CPLANE1: variants seen among roughly 807,000 people sequenced by gnomAD.
CPLANE1 encodes ciliogenesis and planar polarity effector complex subunit 1.
In CPLANE1, 263 loss-of-function variants were observed where a neutral mutation model predicts 362.5. The ratio of observed to expected loss-of-function variants is 0.73; its 90% CI spans 0.66 to 0.80. The LOEUF is 0.80. Ranked by LOEUF, CPLANE1 falls within the 30% of genes least tolerant of loss-of-function variation. The probability of loss-of-function intolerance (pLI) is 0.00; values close to 1 mark genes in which losing one functional copy is unlikely to be tolerated. For missense variants in CPLANE1, 3,461 were observed against 3,793.4 expected (o/e 0.91, Z 2.30); for synonymous variants, 1,212 against 1,302.6 (o/e 0.93, Z 1.50).
chr5:37,234,106 C>CA (rs533600316), intron 8 of CPLANE1, among the ~76,000 whole-genome samples: 90 of 151,966 alleles, frequency 5.9e-4, no homozygotes, highest in African/African-American at 1.6e-3. Flanking sequence ...AAAGCATTTT[C>CA]AAAAAATTAA....
chr5:37,128,169 G>C (rs1030840050), intron 46 of CPLANE1, among the ~76,000 whole-genome samples: 2 of 152,150 alleles, frequency 1.3e-5, no homozygotes, highest in Non-Finnish European at 2.9e-5. Context: ...TATGAGACTG[G>C]CTAATTTTTG....
At chr5:37,136,946 G>GA (rs1298926325) in intron 46 of CPLANE1, among the ~76,000 whole-genome samples, 5 of 152,160 alleles carry the variant, frequency 3.3e-5, no homozygotes, top group African/African-American at 1.2e-4. Context: ...TGATGGGAGG[G>GA]ACTGCCATGA....
Position 37,170,023 on chromosome 5 carries a change from T to C in CPLANE1, c.6462+18A>G. 1 of 1,606,818 alleles carries C rather than the reference T, an allele frequency of 6.2e-7. No homozygotes were observed. The highest frequency in any genetic ancestry group is 8.5e-7 in the Non-Finnish European group (1 of 1,175,090). ...AGCCACCGCGCCCAGCCATTAATGG[T>C]ATTTTTACATACATTACCTGTACGT... is the stretch of plus-strand genomic sequence containing the variant. On this transcript the variant is annotated intron_variant, in intron 33 of 52. Transcript: ENST00000651892.
chr5:37,216,428 A>C lies in CPLANE1; in HGVS notation c.2747-2696T>G, dbSNP rs562205144. ...GCCAGGTGTGGTGGCATGTGCCTAT[A>C]GTCCCAGCTACTCAGGAGGCTGAGG... is the stretch of plus-strand genomic sequence containing the variant. On this transcript the variant is annotated intron_variant, in intron 15 of 52. Coordinates refer to ENST00000651892, the MANE Select transcript of CPLANE1 (RefSeq NM_001384732.1). Among the ~76,000 whole-genome samples, 38 of 152,332 alleles carry C rather than the reference A, an allele frequency of 2.5e-4. 1 individual carries two copies. The South Asian group carries it at 7.9e-3, about 32-fold the overall frequency.
At chr5:37,076,332 T>C in the CPLANE1 span, among the ~76,000 whole-genome samples, 1 of 152,198 alleles carries the variant, frequency 6.6e-6, no homozygotes, top group East Asian at 1.9e-4. Flanking sequence ...TTTCTTTTGT[T>C]TTTGTTTTTT....
intron 51 of CPLANE1, among the ~76,000 whole-genome samples, chr5:37,112,617 A>G (rs1159192414): frequency 6.6e-6 from 1 of 152,228 alleles, no homozygotes; most frequent in Non-Finnish European, 1.5e-5. Flanking sequence ...TTTCTTTATA[A>G]CATAACACCA....
chr5:37,189,809 G>A (rs1173713721), intron 21 of CPLANE1, among the ~76,000 whole-genome samples: 1 of 152,082 alleles, frequency 6.6e-6, no homozygotes, highest in Non-Finnish European at 1.5e-5. Flanking sequence ...GACCAGCCTG[G>A]TCAACCTGGT....
intron 20 of CPLANE1, among the ~76,000 whole-genome samples, 196 bp from the exon 21 acceptor site, chr5:37,196,192 G>A (rs1787378042): frequency 6.7e-6 from 1 of 149,908 alleles, no homozygotes; most frequent in Non-Finnish European, 1.5e-5. Context: ...AAAAAAAAAG[G>A]TTCTAAGTAA....
At chr5:37,094,708 G>T in the CPLANE1 span, among the ~76,000 whole-genome samples, 6 of 152,092 alleles carry the variant, frequency 3.9e-5, no homozygotes, top group African/African-American at 1.2e-4. Flanking sequence ...AAGAAAAGAA[G>T]AGAGAAAATC....
intron 12 of CPLANE1, among the ~76,000 whole-genome samples, 183 bp from the exon 13 acceptor site, chr5:37,224,923 T>C (rs555027023): frequency 4.6e-5 from 7 of 150,612 alleles, no homozygotes; most frequent in Non-Finnish European, 1.0e-4. Context: ...AAAATCTTCA[T>C]AAATATTTTA....
chr5:37,084,991 C>A, the CPLANE1 span: 1 of 570,294 alleles, frequency 1.8e-6, no homozygotes, highest in Non-Finnish European at 3.2e-6. Flanking sequence ...AACTTTAAAG[C>A]AACAGCAGTT....
chr5:37,170,142 G>A lies in CPLANE1; in HGVS notation c.6361C>T (p.Pro2121Ser). 6.2e-7 allele frequency: 1 copy of A among 1,614,102 alleles called. No individual in the cohort carries two copies. The highest frequency in any genetic ancestry group is 1.1e-5 in the South Asian group (1 of 91,074). Residue 2121 changes from proline (P) to serine (S), a missense_variant, in exon 33 of 53, where the codon CCA becomes TCA. Physicochemically the swap from Pro to Ser is moderately conservative, Grantham distance 74. Transcript: ENST00000651892. ...CTGGCGTTCTCTCCCATTGACTGTG[G>A]TTTAATAAAAAATCTCTCCTTAAGA... ...KNLKERFFIK[P>S]QSMGENAREP...
Position 37,183,548 on chromosome 5 carries a change from G to A in CPLANE1, c.4633C>T (p.Arg1545Cys), listed in dbSNP as rs775743007. The A allele has an allele frequency of 1.9e-5, 31 of 1,613,054 alleles. No individual in the cohort carries two copies. Among genetic ancestry groups the A allele is most frequent in the Middle Eastern group, 1.6e-4 (1 of 6,078 alleles). The change falls in exon 26 of 53, where the codon CGT becomes TGT. Residue 1545 changes from arginine (R) to cysteine (C), a missense_variant. Around this residue, in one of 2 missense-constraint regions of CPLANE1, gnomAD observed 3,380 missense variants for 3,666.1 expected, o/e 0.92. Transcript: ENST00000651892. Reference sequence around the variant, plus strand: ...AATTTAATATATTCATCATCATCACGTTCAAATTCCCAAACACCTATTACA... The same window carrying A: ...AATTTAATATATTCATCATCATCACATTCAAATTCCCAAACACCTATTACA... ...LPVIGVWEFE[R>C]DDDEYIKFLD... is the part of the protein sequence containing the mutation.
Position 37,120,228 on chromosome 5 carries a change from G to C in CPLANE1, c.9298C>G (p.Pro3100Ala), listed in dbSNP as rs773845456. The stretch of plus-strand genomic sequence containing the variant: ...CTTTAAGTCTTACCATGTGGCCAAG[G>C]TGAGCCTTGAGGTTGCCCAAAAGAC... ...RKSFGQPQGS[P>A]WPHGTATFTI... Residue 3100 changes from proline (P) to alanine (A), a missense_variant, in exon 50 of 53, where the codon CCT (proline) becomes GCT (alanine). Pro to Ala is a conservative substitution (Grantham distance 27). This residue lies in a region of CPLANE1 where 3,380 missense variants were observed against 3,666.1 expected (regional missense o/e 0.92). Coordinates refer to ENST00000651892, the MANE Select transcript of CPLANE1 (RefSeq NM_001384732.1). 1.9e-6 allele frequency: 3 copies of C among 1,602,174 alleles called. No homozygotes were observed. The South Asian group carries it at 3.4e-5, about 18-fold the overall frequency.
At chr5:37,186,985 C>T (rs367829127) in intron 23 of CPLANE1, among the ~76,000 whole-genome samples, 15 of 139,182 alleles carry the variant, frequency 1.1e-4, no homozygotes, top group African/African-American at 3.5e-4. Flanking sequence ...GGCGTGAACC[C>T]GGGAGGCGGA....
In CPLANE1 at chr5:37,183,175, T is replaced by C. The variant is rs1783131452; in HGVS notation, c.5006A>G (p.Asn1669Ser). 2 of 1,612,106 alleles carry C rather than the reference T, an allele frequency of 1.2e-6. No homozygotes were observed. The highest frequency in any genetic ancestry group is 1.7e-6 in the Non-Finnish European group (2 of 1,179,216). ...TAATCCACTCATTCCTTCATTCTTA[T>C]TGACTTCATTCGAAGGATATTGTAA... ...PFLQYPSNEVNKNEGMSGLFG... is the reference protein window; with the variant it reads ...PFLQYPSNEVSKNEGMSGLFG... Residue 1669 changes from asparagine to serine, a missense_variant, in exon 26 of 53, where the codon AAT becomes AGT. Asn to Ser is a conservative substitution (Grantham distance 46). Coordinates refer to ENST00000651892, the MANE Select transcript of CPLANE1 (RefSeq NM_001384732.1).
intron 44 of CPLANE1, chr5:37,141,434 C>T (rs1025660654): frequency 4.1e-6 from 4 of 983,440 alleles, no homozygotes; most frequent in South Asian, 4.7e-5. Context: ...GTCTTCACAA[C>T]TTTGTGAAGT....
chr5:37,181,317 C>G (rs1782603918), intron 26 of CPLANE1, among the ~76,000 whole-genome samples: 1 of 152,138 alleles, frequency 6.6e-6, no homozygotes, highest in South Asian at 2.1e-4. Flanking sequence ...TCATTTCATT[C>G]CCTTTGCTAT....
the CPLANE1 span, among the ~76,000 whole-genome samples, chr5:37,079,877 T>C: frequency 6.6e-6 from 1 of 152,240 alleles, no homozygotes; most frequent in African/African-American, 2.4e-5. Flanking sequence ...ATTTGAATTG[T>C]TGAGAAATGG....
Sources: allele counts gnomAD v4.1 joint callset (sites outside exome capture counted in the v4.1 genomes callset), GRCh38; gene constraint gnomAD v4.1.1; regional missense constraint gnomAD v4.1.1; transcripts MANE v1.5; gene names NCBI Gene and HGNC (gene_info 2026-07-23, HGNC 2026-07-21).